The following BCL2L13 variants were observed in gnomAD, a reference collection of about 807,000 sequenced individuals.
The protein encoded by BCL2L13 is BCL2 like 13.
BCL2L13 carries 13 observed loss-of-function variants against 25.8 expected under a neutral mutation model. The observed-to-expected ratio is 0.50, with a 90% CI of 0.33 to 0.80. BCL2L13 has a LOEUF of 0.80. Among genes scored for constraint, BCL2L13 ranks in the 30% least tolerant of loss-of-function variants. The probability of loss-of-function intolerance (pLI) is 0.02; values close to 1 mark genes in which losing one functional copy is unlikely to be tolerated. For missense variants in BCL2L13, 504 were observed against 574.9 expected (o/e 0.88, Z 1.26); for synonymous variants, 244 against 230.3 (o/e 1.06, Z -0.54).
At chr22:17,681,809 G>T (rs1223882098) in intron 2 of BCL2L13, among the ~76,000 whole-genome samples, 1 of 152,124 alleles carries the variant, frequency 6.6e-6, no homozygotes, top group Non-Finnish European at 1.5e-5. Flanking sequence ...CCTGAAAGTT[G>T]ACTGCCTGGG....
intron 2 of BCL2L13, among the ~76,000 whole-genome samples, chr22:17,662,759 C>T (rs2059115168): frequency 6.6e-6 from 1 of 151,992 alleles, no homozygotes; most frequent in Non-Finnish European, 1.5e-5. Context: ...GCTGAGGCTG[C>T]AGTGAACTGA....
At position 17,689,155 on chromosome 22, in the gene BCL2L13, G is replaced by A. The variant is rs780544841; in HGVS notation, c.386+13G>A. 5 of 1,612,576 alleles carry A rather than the reference G, an allele frequency of 3.1e-6. No individual in the cohort carries two copies. The highest frequency in any genetic ancestry group is 4.2e-6 in the Non-Finnish European group (5 of 1,179,146). On this transcript the variant is annotated intron_variant, in intron 4 of 6. Coordinates refer to ENST00000317582, the MANE Select transcript of BCL2L13 (RefSeq NM_015367.4). ...TGCTCCTGAGCCAGTGAGTTACACTGCTGAGTGGGATGTGCTTCTTTAAGT... is the reference window on the plus strand; with the variant it reads ...TGCTCCTGAGCCAGTGAGTTACACTACTGAGTGGGATGTGCTTCTTTAAGT...
chr22:17,666,324 G>A (rs1056351151), intron 2 of BCL2L13, among the ~76,000 whole-genome samples: 1 of 151,982 alleles, frequency 6.6e-6, no homozygotes, highest in Non-Finnish European at 1.5e-5. Context: ...AGGGAATGGG[G>A]TATCCGTCCC....
At chr22:17,686,111 T>C (rs1016876733) in intron 3 of BCL2L13, among the ~76,000 whole-genome samples, 6 of 152,082 alleles carry the variant, frequency 3.9e-5, no homozygotes, top group Non-Finnish European at 7.4e-5. Context: ...TAAATTATGT[T>C]CATAACTCAT....
At chr22:17,669,030 CTTTTTTT>C (rs537315017) in intron 2 of BCL2L13, among the ~76,000 whole-genome samples, 5 of 111,834 alleles carry the variant, frequency 4.5e-5, no homozygotes, top group Admixed American at 3.4e-4. Context: ...CTGTTTCTTT[CTTTTTTT>C]TTTTTTTTTT....
upstream of BCL2L13, among the ~76,000 whole-genome samples, chr22:17,634,173 C>CT (rs993226789): frequency 5.3e-5 from 8 of 151,880 alleles, no homozygotes; most frequent in Admixed American, 1.3e-4. Context: ...ATGCCACCAC[C>CT]TTTTTTTTGT....
intron 4 of BCL2L13, among the ~76,000 whole-genome samples, chr22:17,693,361 A>AGTGTTTT (rs1437219483): frequency 1.3e-5 from 1 of 78,866 alleles, no homozygotes; most frequent in Non-Finnish European, 2.9e-5. Flanking sequence ...TTATTTATTT[A>AGTGTTTT]TTTAGTGTTT....
At chr22:17,628,927 G>A in exon 1 of BCL2L13, 1 of 502,846 alleles carries the variant, frequency 2.0e-6, no homozygotes, top group African/African-American at 1.9e-5. Flanking sequence ...CCTAAACTGG[G>A]ATCTTGGGTA....
chr22:17,716,125 ATT>A (rs2060939293), intron 6 of BCL2L13, among the ~76,000 whole-genome samples: 1 of 152,200 alleles, frequency 6.6e-6, no homozygotes, highest in Non-Finnish European at 1.5e-5. Context: ...CAAAATAGAT[ATT>A]TTGATAGTTT....
chr22:17,665,640 A>C (rs1263518097), intron 2 of BCL2L13, among the ~76,000 whole-genome samples: 1 of 152,178 alleles, frequency 6.6e-6, no homozygotes, highest in East Asian at 1.9e-4. Context: ...CAGCCAAACC[A>C]TATTTGCACA....
Position 17,726,740 on chromosome 22 carries a change from A to G in BCL2L13, c.664A>G (p.Asn222Asp). Residue 222 changes from asparagine to aspartate, a missense_variant, in exon 7 of 7, where the codon AAT (asparagine) becomes GAT (aspartate). Transcript: ENST00000317582. ...CCCTGGAATCACTGCAGAAGATAGC[A>G]ATGACATTTACATCCTGCCCAGCGA... ...EYPGITAEDS[N>D]DIYILPSDNS... The G allele has an allele frequency of 6.2e-7, 1 of 1,614,212 alleles. No individual in the cohort carries two copies. Among genetic ancestry groups the G allele is most frequent in the Non-Finnish European group, 8.5e-7 (1 of 1,180,042 alleles).
chr22:17,651,776 C>T (rs1474893808), intron 1 of BCL2L13, among the ~76,000 whole-genome samples: 6 of 151,976 alleles, frequency 3.9e-5, no homozygotes, highest in Non-Finnish European at 8.8e-5. Flanking sequence ...CTGCAAGCTC[C>T]GCCTCCCGGG....
At chr22:17,644,907 T>A (rs1411176423) in intron 1 of BCL2L13, among the ~76,000 whole-genome samples, 1 of 150,870 alleles carries the variant, frequency 6.6e-6, no homozygotes, top group Non-Finnish European at 1.5e-5. Flanking sequence ...ACTCCCTGGT[T>A]CAAGGGATTC....
At chr22:17,715,366 G>GAGA (rs1367358184) in intron 6 of BCL2L13, among the ~76,000 whole-genome samples, 1 of 149,470 alleles carries the variant, frequency 6.7e-6, no homozygotes, top group African/African-American at 2.5e-5. Flanking sequence ...ATTTTTTGTA[G>GAGA]AGATAGGATC....
chr22:17,715,156 ATATATATATATATATTTTTTTTTTTTTT>A (rs1569008064), intron 6 of BCL2L13, among the ~76,000 whole-genome samples: 1 of 5,658 alleles, frequency 1.8e-4, no homozygotes, highest in African/African-American at 7.5e-4. Context: ...ATATATATAT[ATATATATATATATATTTTTTTTTTTTTT>A]TTTTTTTTTT....
chr22:17,684,732 T>C, intron 3 of BCL2L13: 1 of 354,444 alleles, frequency 2.8e-6, no homozygotes, highest in Non-Finnish European at 5.5e-6. Context: ...CCTGGCTAAT[T>C]TTTTGTATTT....
In BCL2L13 at chr22:17,726,964, G is replaced by A. The variant is rs1405589599; in HGVS notation, c.888G>A (p.Glu296=). Residue 296 remains glutamate, a synonymous_variant, in exon 7 of 7, where the codon GAG becomes GAA. Coordinates refer to ENST00000317582, the MANE Select transcript of BCL2L13 (RefSeq NM_015367.4). ...GCTTAGACAGCAACGGAGCTGGAGA[G>A]AAGAGTGAGAACAACTCCTCTAATT... The part of the protein sequence containing the change: ...VKSLDSNGAG[E]KSENNSSNSD... 6.2e-7 allele frequency: 1 copy of A among 1,614,206 alleles called. No individual in the cohort carries two copies. The highest frequency in any genetic ancestry group is 8.5e-7 in the Non-Finnish European group (1 of 1,180,042).
intron 6 of BCL2L13, among the ~76,000 whole-genome samples, chr22:17,706,329 GT>G (rs945929302): frequency 0.022 from 2,954 of 136,172 alleles, 72 homozygotes; most frequent in African/African-American, 0.069. Context: ...TTTCTACCTT[GT>G]TTTTTTTTTT....
intron 2 of BCL2L13, among the ~76,000 whole-genome samples, chr22:17,677,885 A>C (rs1001899504): frequency 2.6e-5 from 4 of 151,744 alleles, no homozygotes; most frequent in Admixed American, 6.6e-5. Flanking sequence ...AAACAAAAAA[A>C]CCCCACAAAA....
Sources: gnomAD v4.1 joint callset for allele counts (sites outside exome capture counted in the v4.1 genomes callset) on GRCh38, gnomAD v4.1.1 for gene constraint, MANE v1.5 for transcripts, NCBI Gene and HGNC (gene_info 2026-07-23, HGNC 2026-07-21) for gene names.